SGTA: variants seen among roughly 807,000 people sequenced by gnomAD.
The protein encoded by SGTA is small glutamine rich tetratricopeptide repeat co-chaperone alpha.
In SGTA, 22 loss-of-function variants were observed where a neutral mutation model predicts 44.3. The ratio of observed to expected loss-of-function variants is 0.50; its 90% CI spans 0.36 to 0.71. The LOEUF is 0.71. Ranked by LOEUF, SGTA falls within the 30% of genes least tolerant of loss-of-function variation. The pLI is 0.00. For synonymous variants in SGTA, 174 were observed against 177.6 expected (o/e 0.98, Z 0.16); for missense variants, 341 against 435.9 (o/e 0.78, Z 1.94).
chr19:2,756,696 C>T (rs1480122674), intron 11 of SGTA, among the ~76,000 whole-genome samples: 1 of 151,746 alleles, frequency 6.6e-6, no homozygotes, highest in Non-Finnish European at 1.5e-5. Context: ...GGGAGCCTCC[C>T]ACCCCTGGGA....
rs1321369424 is a variant in SGTA at position 2,767,989 on chromosome 19, C to T, written c.101-303G>A. Among the ~76,000 whole-genome samples, 1 of 152,142 alleles carries T rather than the reference C, an allele frequency of 6.6e-6. No individual in the cohort carries two copies. The stretch of plus-strand genomic sequence containing the variant: ...CAATGCTGGGGCTGCCCGGCTGCGG[C>T]GTGGTGGGGGCTTGGCCCCACCTGG... On this transcript the variant is annotated intron_variant, in intron 2 of 11. Transcript: ENST00000221566. The surrounding 1 kb of genome is among the most constrained non-coding windows in gnomAD (Gnocchi z 7.3).
At chr19:2,781,924 C>A (rs1489963672) in intron 1 of SGTA, among the ~76,000 whole-genome samples, 1 of 151,708 alleles carries the variant, frequency 6.6e-6, no homozygotes, top group Non-Finnish European at 1.5e-5. Flanking sequence ...TCACTGCAAC[C>A]TCTGCCTCCT....
In SGTA at chr19:2,755,646, T is replaced by G; in HGVS notation, c.*294A>C. Reference sequence around the variant, plus strand: ...AGAGCGGCCCGGGAGCACCCCAGGATTCTAGAAAACACTCAAGTGACCGAG... The same window carrying G: ...AGAGCGGCCCGGGAGCACCCCAGGAGTCTAGAAAACACTCAAGTGACCGAG... On this transcript the variant is annotated 3_prime_UTR_variant, in exon 12 of 12. Transcript: ENST00000221566. The surrounding 1 kb of genome is among the most constrained non-coding windows in gnomAD (Gnocchi z 5.2). 3 of 985,408 alleles carry G rather than the reference T, an allele frequency of 3.0e-6. No individual in the cohort carries two copies. The highest frequency in any genetic ancestry group is 3.6e-6 in the Non-Finnish European group (3 of 829,960). 61.0% of individuals were successfully genotyped at this position (985,408 alleles called of 1,614,324 possible). A position where few individuals can be genotyped will look rare whatever the true frequency, so the allele number is the denominator to read the frequency against.
In SGTA at chr19:2,755,682, G is replaced by A. The variant is rs981083867; in HGVS notation, c.*258C>T. The A allele has an allele frequency of 1.0e-6, 1 of 985,546 alleles. No individual in the cohort carries two copies. Among genetic ancestry groups the A allele is most frequent in the Non-Finnish European group, 1.2e-6 (1 of 830,004 alleles). The allele number at this position is 985,546 out of a possible 1,614,324, so 61.1% of individuals were successfully genotyped here. A position where few individuals can be genotyped will look rare whatever the true frequency, so the allele number is the denominator to read the frequency against. On this transcript the variant is annotated 3_prime_UTR_variant, in exon 12 of 12. Transcript: ENST00000221566. The surrounding 1 kb of genome is among the most constrained non-coding windows in gnomAD (Gnocchi z 5.2). ...ACTCAAGTGACCGAGCTTTCTGGGG[G>A]CTGGAAGGGAGGTCGCTGCTGGTCT...
Position 2,767,787 on chromosome 19 carries a change from G to T in SGTA, c.101-101C>A. 1.1e-6 allele frequency: 1 copy of T among 870,212 alleles called. No individual in the cohort carries two copies. 53.9% of individuals were successfully genotyped at this position (870,212 alleles called of 1,614,324 possible). A position where few individuals can be genotyped will look rare whatever the true frequency, so the allele number is the denominator to read the frequency against. On this transcript the variant is annotated intron_variant, in intron 2 of 11. Transcript: ENST00000221566. The surrounding 1 kb of genome is among the most constrained non-coding windows in gnomAD (Gnocchi z 7.3). ...TTGGTGCTCATGCTTCCCCAGGTGT[G>T]TTCATTCCCAAGGACCCCAGAACGC... is the stretch of plus-strand genomic sequence containing the variant.
At chr19:2,782,423 C>T (rs1915593845) in intron 1 of SGTA, 1 of 152,272 alleles carries the variant, frequency 6.6e-6, no homozygotes, top group African/African-American at 2.4e-5. Flanking sequence ...CAGCTATTCT[C>T]AAGCCAGCTC....
chr19:2,755,366 G>T lies in SGTA; in HGVS notation c.*574C>A. 1.0e-6 allele frequency: 1 copy of T among 984,424 alleles called. No individual in the cohort carries two copies. The highest frequency in any genetic ancestry group is 1.2e-6 in the Non-Finnish European group (1 of 827,126). The allele number at this position is 984,424 out of a possible 1,614,324, so 61.0% of individuals were successfully genotyped here. On this transcript the variant is annotated 3_prime_UTR_variant, in exon 12 of 12. Coordinates refer to ENST00000221566, the MANE Select transcript of SGTA (RefSeq NM_003021.4). The surrounding 1 kb of genome is among the most constrained non-coding windows in gnomAD (Gnocchi z 5.2). ...GCGGAGGCGTGGGGTGACCGCAGCCGTCTCTTAGGTGTCTGCCACTAAAGA... is the reference window on the plus strand; with the variant it reads ...GCGGAGGCGTGGGGTGACCGCAGCCTTCTCTTAGGTGTCTGCCACTAAAGA...
chr19:2,757,763 C>T lies in SGTA; in HGVS notation c.757G>A (p.Gly253Ser), dbSNP rs1345563789. The change falls in exon 10 of 12, where the codon GGT becomes AGT. Residue 253 changes from glycine (G) to serine (S), a missense_variant. Gly to Ser is a moderately conservative substitution (Grantham distance 56). Coordinates refer to ENST00000221566, the MANE Select transcript of SGTA (RefSeq NM_003021.4). The part of the protein sequence containing the change: ...IQQLMSGMIS[G>S]GNNPLGTPGT... ...GGAGTTCCCAAGGGGTTGTTGCCAC[C>T]CGAAATCATGCCGGACATGCTGCAG... 3.1e-6 allele frequency: 5 copies of T among 1,602,306 alleles called. No individual in the cohort carries two copies.
rs2302491 is a variant in SGTA, at chr19:2,762,587, A to G, written c.555T>C (p.Ala185=). ...TCTCGTTGTCGGGGTCCAGCTCCAG[A>G]GCCTTCTTGTAGTAAGCCACGGCCT... is the stretch of plus-strand genomic sequence containing the variant. ...HVEAVAYYKK[A]LELDPDNETY... Residue 185 remains alanine (A), a synonymous_variant, in exon 7 of 12, where the codon GCT becomes GCC. Coordinates refer to ENST00000221566, the MANE Select transcript of SGTA (RefSeq NM_003021.4). 2 of 1,613,540 alleles carry G rather than the reference A, an allele frequency of 1.2e-6. No homozygotes were observed. Among genetic ancestry groups the G allele is most frequent in the African/African-American group, 2.7e-5 (2 of 74,832 alleles).
intron 1 of SGTA, chr19:2,770,076 C>T (rs1915262557): frequency 6.7e-6 from 1 of 149,512 alleles, no homozygotes; most frequent in African/African-American, 2.7e-5. Flanking sequence ...CCCCGGATAC[C>T]CTCCTGGATG....
intron 1 of SGTA, among the ~76,000 whole-genome samples, chr19:2,771,574 TC>T (rs1251670661): frequency 1.4e-5 from 1 of 71,948 alleles, no homozygotes; most frequent in Non-Finnish European, 2.7e-5. Flanking sequence ...CACCTCCCCA[TC>T]GGGGGGGGGG....
chr19:2,757,260 G>A (rs1454062932), intron 11 of SGTA, 77 bp downstream of exon 11: 8 of 1,530,036 alleles, frequency 5.2e-6, no homozygotes, highest in South Asian at 3.7e-5. Flanking sequence ...CACTCCTGCT[G>A]GCTGCCCTCA....
intron 2 of SGTA, among the ~76,000 whole-genome samples, chr19:2,768,639 G>A (rs1568310667): frequency 6.6e-6 from 1 of 152,228 alleles, no homozygotes. Context: ...GTGACCGATG[G>A]TGACACACAC....
chr19:2,780,730 A>G (rs952420067), intron 1 of SGTA, among the ~76,000 whole-genome samples: 2 of 152,208 alleles, frequency 1.3e-5, no homozygotes, highest in African/African-American at 4.8e-5. Context: ...AAAAATTCAC[A>G]GCCACATGGT....
chr19:2,776,382 C>G lies in SGTA; in HGVS notation c.-24+6851G>C, dbSNP rs540724873. Among the ~76,000 whole-genome samples the G allele has an allele frequency of 1.5e-4, 23 of 152,352 alleles. No homozygotes were observed. In the South Asian group the frequency reaches 4.8e-3, roughly 32 times the overall value. On this transcript the variant is annotated intron_variant, in intron 1 of 11. Coordinates refer to ENST00000221566, the MANE Select transcript of SGTA (RefSeq NM_003021.4). ...CGCTACGCAGCCATGAAAAGGAAAT[C>G]CTGACCAGGCTACAACATGGGCGGA...
Position 2,767,615 on chromosome 19 carries a change from G to C in SGTA, c.172C>G (p.Leu58Val), listed in dbSNP as rs1183022266. The change falls in exon 3 of 12, where the codon CTG becomes GTG. Residue 58 changes from leucine to valine, a missense_variant. Physicochemically the swap from Leu to Val is conservative, Grantham distance 32. Coordinates refer to ENST00000221566, the MANE Select transcript of SGTA (RefSeq NM_003021.4). The surrounding 1 kb of genome is among the most constrained non-coding windows in gnomAD (Gnocchi z 7.3). ...GCAGCCGCTTCAAATATCTCCGGCA[G>C]AGTCTGAGGGAGCGCAAGGTCACTG... is the stretch of plus-strand genomic sequence containing the variant. ...EDSDLALPQTLPEIFEAAATG... is the reference protein window; with the variant it reads ...EDSDLALPQTVPEIFEAAATG... The C allele has an allele frequency of 6.2e-7, 1 of 1,613,498 alleles. No individual in the cohort carries two copies. Among genetic ancestry groups the C allele is most frequent in the Non-Finnish European group, 8.5e-7 (1 of 1,179,978 alleles).
chr19:2,780,308 G>A (rs998759799), intron 1 of SGTA, among the ~76,000 whole-genome samples: 1 of 152,122 alleles, frequency 6.6e-6, no homozygotes, highest in African/African-American at 2.4e-5. Flanking sequence ...GGGCAGGAGA[G>A]CCGGGTGCCC....
Position 2,774,286 on chromosome 19 carries a change from G to A in SGTA, c.-23-5195C>T, listed in dbSNP as rs576281848. Among the ~76,000 whole-genome samples, 6 of 152,296 alleles carry A rather than the reference G, an allele frequency of 3.9e-5. No individual in the cohort carries two copies. In the South Asian group the frequency reaches 1.0e-3, roughly 26 times the overall value. ...CCAGGTTGGGCAGGGACGCGTGGTC[G>A]CATGCCCAGGATCACATAGACAGGA... On this transcript the variant is annotated intron_variant, in intron 1 of 11. Transcript: ENST00000221566.
chr19:2,768,021 A>G (rs112119015), intron 2 of SGTA, among the ~76,000 whole-genome samples: 2,209 of 152,204 alleles, frequency 0.015, 46 homozygotes, highest in African/African-American at 0.05. Flanking sequence ...CTGGAGGGCC[A>G]CGTCAGGGGT....
Sources: allele counts gnomAD v4.1 joint callset (sites outside exome capture counted in the v4.1 genomes callset), GRCh38; gene constraint gnomAD v4.1.1; non-coding constraint Gnocchi (gnomAD v3.1); transcripts MANE v1.5; gene names NCBI Gene and HGNC (gene_info 2026-07-23, HGNC 2026-07-21).